Variants in CPNE7 observed in about 807,000 individuals in gnomAD.
The protein encoded by CPNE7 is copine 7.
In CPNE7, 78 loss-of-function variants were observed where a neutral mutation model predicts 66.5. That is an observed-to-expected ratio of 1.17 (90% CI 0.98 to 1.42). CPNE7 has a LOEUF of 1.42. CPNE7 is among the 40% of genes most tolerant of loss of function. CPNE7 has a pLI of 0.00. For synonymous variants in CPNE7, 468 were observed against 336.7 expected (o/e 1.39, Z -4.27); for missense variants, 1,012 against 776.6 (o/e 1.30, Z -3.60).
At chr16:89,588,530 C>T (rs572032890) in intron 9 of CPNE7, 145 bp from the exon 10 acceptor site, 18 of 942,146 alleles carry the variant, frequency 1.9e-5, no homozygotes, top group East Asian at 2.6e-5. Flanking sequence ...GGTGGGTCAG[C>T]CCCAACAGCA....
At chr16:89,586,024 T>G (rs2059032808) in intron 7 of CPNE7, among the ~76,000 whole-genome samples, 2 of 47,574 alleles carry the variant, frequency 4.2e-5, no homozygotes, top group Non-Finnish European at 7.9e-5. Flanking sequence ...GGAGGGGCAG[T>G]TAGCAGGGGG....
chr16:89,596,168 T>C (rs2059252023), intron 14 of CPNE7, among the ~76,000 whole-genome samples: 1 of 152,274 alleles, frequency 6.6e-6, no homozygotes, highest in Non-Finnish European at 1.5e-5. Context: ...CATGAAGCTC[T>C]GCAGTGAGTC....
Position 89,584,058 on chromosome 16 carries a change from G to A in CPNE7, c.463G>A (p.Gly155Ser), listed in dbSNP as rs764118471. Residue 155 changes from glycine (G) to serine (S), a missense_variant, in exon 4 of 15, where the codon GGC becomes AGC. Coordinates refer to ENST00000319518, the MANE Select transcript of CPNE7 (RefSeq NM_153636.3). The surrounding 1 kb of genome is among the most constrained non-coding windows in gnomAD (Gnocchi z 6.0). ...VIAEDISGNN[G>S]YVELSFRARK... is the part of the protein sequence containing the mutation. ...CGCCGAGGACATCTCGGGGAACAACGGCTACGTGGAGCTCTCCTTCCGGGC... is the reference window on the plus strand; with the variant it reads ...CGCCGAGGACATCTCGGGGAACAACAGCTACGTGGAGCTCTCCTTCCGGGC... The A allele has an allele frequency of 5.9e-5, 95 of 1,612,106 alleles. 1 individual carries two copies. The highest frequency in any genetic ancestry group is 7.4e-5 in the Non-Finnish European group (87 of 1,179,648).
intron 10 of CPNE7, among the ~76,000 whole-genome samples, chr16:89,589,240 C>T (rs959537442): frequency 4.6e-5 from 7 of 152,086 alleles, no homozygotes; most frequent in Admixed American, 2.6e-4. Context: ...TACAGTGAGT[C>T]AAGATCACAC....
At chr16:89,582,029 C>A (rs1395226655) in intron 2 of CPNE7, among the ~76,000 whole-genome samples, 1 of 152,250 alleles carries the variant, frequency 6.6e-6, no homozygotes, top group African/African-American at 2.4e-5. Context: ...TAAGCACACA[C>A]ACAGGGTCCG....
intron 10 of CPNE7, 56 bp downstream of exon 10, chr16:89,588,864 C>T (rs1315239023): frequency 1.8e-5 from 29 of 1,598,082 alleles, no homozygotes; most frequent in Admixed American, 5.0e-5. Context: ...ATGACAGGTG[C>T]GCCTGGCCGT....
chr16:89,589,643 AG>A (rs1029490389), intron 10 of CPNE7, among the ~76,000 whole-genome samples: 1 of 152,106 alleles, frequency 6.6e-6, no homozygotes, highest in Non-Finnish European at 1.5e-5. Flanking sequence ...AGGCGTCTGC[AG>A]GGGGACAGCA....
intron 14 of CPNE7, 51 bp downstream of exon 14, chr16:89,595,654 A>C (rs767324160): frequency 2.7e-6 from 4 of 1,497,368 alleles, no homozygotes; most frequent in African/African-American, 2.8e-5. Flanking sequence ...GTCCCTGTTC[A>C]TGTCACTGCC....
chr16:89,588,796 A>G lies in CPNE7; in HGVS notation c.1049A>G (p.Gln350Arg). Residue 350 changes from glutamine (Q) to arginine (R), a missense_variant, in exon 10 of 15, where the codon CAG becomes CGG. Coordinates refer to ENST00000319518, the MANE Select transcript of CPNE7 (RefSeq NM_153636.3). ...CTGGTGTCCGTGGGCGAGATCTGCC[A>G]GGACTATGACAGGTGCGCCCACCAC... Reference protein sequence around the residue: ...KALVSVGEICQDYDSDKRFSA... With the variant: ...KALVSVGEICRDYDSDKRFSA... 1.9e-6 allele frequency: 3 copies of G among 1,613,508 alleles called. No individual in the cohort carries two copies. Among genetic ancestry groups the G allele is most frequent in the South Asian group, 1.1e-5 (1 of 91,072 alleles).
chr16:89,589,090 G>T (rs982039362), intron 10 of CPNE7, among the ~76,000 whole-genome samples: 1 of 152,190 alleles, frequency 6.6e-6, no homozygotes. Flanking sequence ...TCAGGAGTTT[G>T]AGACCAGCCT....
chr16:89,577,405 C>G (rs1031441411), intron 1 of CPNE7, 134 bp from the exon 2 acceptor site: 2 of 863,606 alleles, frequency 2.3e-6, no homozygotes, highest in Admixed American at 2.6e-5. Flanking sequence ...GGACAGAGAG[C>G]AGGCAGGAGG....
chr16:89,592,448 ATT>A (rs560239607), intron 13 of CPNE7, among the ~76,000 whole-genome samples: 9 of 136,386 alleles, frequency 6.6e-5, no homozygotes, highest in African/African-American at 8.1e-5. Flanking sequence ...TTCTTTTTCA[ATT>A]TTTTTTTTTT....
At chr16:89,590,863 G>T in intron 11 of CPNE7, 144 bp from the exon 12 acceptor site, 1 of 720,784 alleles carries the variant, frequency 1.4e-6, no homozygotes, top group South Asian at 1.7e-5. Context: ...TTTAGTAGGC[G>T]GGGGACATGA....
intron 13 of CPNE7, among the ~76,000 whole-genome samples, chr16:89,592,485 T>C (rs2059188778): frequency 6.7e-6 from 1 of 150,110 alleles, no homozygotes; most frequent in East Asian, 2.0e-4. Flanking sequence ...TCCTGCTCTG[T>C]CACCCAAGCT....
chr16:89,587,617 G>C (rs775957507), intron 9 of CPNE7: 2 of 452,470 alleles, frequency 4.4e-6, no homozygotes, highest in Non-Finnish European at 4.4e-6. Flanking sequence ...CAGTCTCTAC[G>C]TGTCATCCAA....
At chr16:89,596,255 G>A (rs893741628) in intron 14 of CPNE7, among the ~76,000 whole-genome samples, 2 of 152,228 alleles carry the variant, frequency 1.3e-5, no homozygotes, top group Admixed American at 6.5e-5. Flanking sequence ...CTCGCCTCCC[G>A]TGTCAGCACT....
chr16:89,578,834 T>G, intron 2 of CPNE7: 1 of 1,595,988 alleles, frequency 6.3e-7, no homozygotes, highest in Non-Finnish European at 8.5e-7. Flanking sequence ...TTGGTGATGC[T>G]CTCTGGGTTA....
In CPNE7 at chr16:89,577,624, A is replaced by G; in HGVS notation, c.260A>G (p.Gln87Arg). ...GTGGACTACTACTTCGAGGAGGTGC[A>G]GAGGCTGCGCTTTGAGGTGTACGAC... is the stretch of plus-strand genomic sequence containing the variant. Reference protein sequence around the residue: ...FTVDYYFEEVQRLRFEVYDTH... With the variant: ...FTVDYYFEEVRRLRFEVYDTH... The change falls in exon 2 of 15, where the codon CAG (glutamine) becomes CGG (arginine). Residue 87 changes from glutamine to arginine, a missense_variant. Transcript: ENST00000319518. The G allele has an allele frequency of 6.3e-7, 1 of 1,574,948 alleles. No homozygotes were observed. The highest frequency in any genetic ancestry group is 8.6e-7 in the Non-Finnish European group (1 of 1,159,896).
In CPNE7 at chr16:89,586,984, A is replaced by G. The variant is rs370368540; in HGVS notation, c.868-59A>G. On this transcript the variant is annotated intron_variant, in intron 8 of 14. Transcript: ENST00000319518. ...CCTGCGGGAGGCAGGCCTGGATCCC[A>G]GCTGGCACTGGCCTCAGTGTCCCTG... 8.5e-5 allele frequency: 129 copies of G among 1,510,894 alleles called. 2 individuals carry two copies. In the East Asian group the frequency reaches 1.2e-3, roughly 14 times the overall value. The allele number at this position is 1,510,894 out of a possible 1,614,324, so 93.6% of individuals were successfully genotyped here. A position where few individuals can be genotyped will look rare whatever the true frequency, so the allele number is the denominator to read the frequency against.
Sources: allele counts gnomAD v4.1 joint callset (sites outside exome capture counted in the v4.1 genomes callset), GRCh38; gene constraint gnomAD v4.1.1; non-coding constraint Gnocchi (gnomAD v3.1); transcripts MANE v1.5; gene names NCBI Gene and HGNC (gene_info 2026-07-23, HGNC 2026-07-21).